DLG2: variants seen among roughly 807,000 people sequenced by gnomAD.
DLG2 encodes discs large MAGUK scaffold protein 2, also known as disks large homolog 2.
A neutral mutation model predicts 132.5 loss-of-function variants in DLG2; 45 were observed. The ratio of observed to expected loss-of-function variants is 0.34; its 90% confidence interval spans 0.27 to 0.44. The LOEUF (loss-of-function observed/expected upper bound fraction) is 0.44, where lower values mean the gene tolerates loss of function less well. Among genes scored for constraint, DLG2 ranks in the 20% least tolerant of loss-of-function variants. The probability of loss-of-function intolerance (pLI) is 1.00; values close to 1 mark genes in which losing one functional copy is unlikely to be tolerated. For missense variants in DLG2, 1,045 were observed against 1,196.9 expected (o/e 0.87, Z 1.87); for synonymous variants, 424 against 419.6 (o/e 1.01, Z -0.13).
intron 6 of DLG2, among the ~76,000 whole-genome samples, chr11:85,096,318 C>T (rs184655525): frequency 1.3e-5 from 2 of 152,310 alleles, no homozygotes; most frequent in African/African-American, 4.8e-5. Context: ...GTCCACACTA[C>T]CTTTATGAGC....
intron 7 of DLG2, among the ~76,000 whole-genome samples, chr11:84,406,575 A>C (rs2154450105): frequency 6.6e-6 from 1 of 152,300 alleles, no homozygotes; most frequent in South Asian, 2.1e-4. Flanking sequence ...CTTGGGCTAA[A>C]GGAATCCACT....
chr11:84,612,162 A>G (rs2099596619), intron 6 of DLG2, among the ~76,000 whole-genome samples: 1 of 152,078 alleles, frequency 6.6e-6, no homozygotes, highest in South Asian at 2.1e-4. Context: ...TTTCATATAG[A>G]GGGAAGTATA....
At position 83,457,849 on chromosome 11, in the gene DLG2, G is replaced by C. The variant is rs2089251425; in HGVS notation, c.*1969C>G. The stretch of plus-strand genomic sequence containing the variant: ...CTGGAAATTTAACTTTCATGAGAGG[G>C]AGAATGCATTGCTAGCCCTTCCATT... On this transcript the variant is annotated 3_prime_UTR_variant, in exon 28 of 28. Coordinates refer to ENST00000376104, the MANE Select transcript of DLG2 (RefSeq NM_001142699.3). The C allele has an allele frequency of 6.6e-6, 1 of 152,618 alleles. No individual in the cohort carries two copies. The highest frequency in any genetic ancestry group is 6.5e-5 in the Admixed American group (1 of 15,286). The allele number at this position is 152,618 out of a possible 1,614,324, so 9.5% of individuals were successfully genotyped here.
At chr11:85,393,293 G>C (rs986478752) in intron 3 of DLG2, among the ~76,000 whole-genome samples, 1 of 152,136 alleles carries the variant, frequency 6.6e-6, no homozygotes, top group African/African-American at 2.4e-5. Flanking sequence ...ACTCCTTCAA[G>C]AATGGTCATA....
intron 6 of DLG2, among the ~76,000 whole-genome samples, chr11:84,559,593 T>A (rs2099419173): frequency 6.6e-6 from 1 of 152,118 alleles, no homozygotes; most frequent in Admixed American, 6.6e-5. Flanking sequence ...AAGCTCTCCA[T>A]CCAGAGCTAC....
At chr11:84,401,828 G>A (rs1014049782) in intron 7 of DLG2, among the ~76,000 whole-genome samples, 1 of 152,066 alleles carries the variant, frequency 6.6e-6, no homozygotes, top group African/African-American at 2.4e-5. Flanking sequence ...GACTACAGGC[G>A]CCTGCCACCA....
At chr11:83,516,683 T>C (rs776258968) in intron 21 of DLG2, among the ~76,000 whole-genome samples, 21 of 152,206 alleles carry the variant, frequency 1.4e-4, no homozygotes, top group Non-Finnish European at 2.5e-4. Flanking sequence ...TTTCCATGTT[T>C]AGTGCTTCCT....
chr11:84,177,428 A>G (rs535748020), intron 8 of DLG2, among the ~76,000 whole-genome samples: 1 of 152,272 alleles, frequency 6.6e-6, no homozygotes, highest in Admixed American at 6.5e-5. Context: ...CTCTGATTAT[A>G]TTATCAGGCT....
chr11:84,490,715 T>C (rs2099162733), intron 7 of DLG2, among the ~76,000 whole-genome samples: 1 of 145,658 alleles, frequency 6.9e-6, no homozygotes, highest in Admixed American at 6.9e-5. Flanking sequence ...GTAAAAGCAA[T>C]GAGAATTGCC....
chr11:84,042,396 T>C (rs991992011), intron 11 of DLG2, among the ~76,000 whole-genome samples: 1 of 151,838 alleles, frequency 6.6e-6, no homozygotes, highest in African/African-American at 2.4e-5. Flanking sequence ...TTCCTTGCTA[T>C]TATTGCTCAT....
chr11:83,544,686 G>A (rs1410119526), intron 19 of DLG2, among the ~76,000 whole-genome samples: 1 of 152,062 alleles, frequency 6.6e-6, no homozygotes, highest in Non-Finnish European at 1.5e-5. Flanking sequence ...GCACTTCATA[G>A]TCATCGTCTT....
At chr11:84,352,740 G>A (rs954291735) in intron 7 of DLG2, among the ~76,000 whole-genome samples, 4 of 152,128 alleles carry the variant, frequency 2.6e-5, no homozygotes, top group Non-Finnish European at 4.4e-5. Context: ...TCTGGGAAGG[G>A]GTAATATGCC....
At chr11:85,362,745 A>G (rs2084259227) in intron 3 of DLG2, among the ~76,000 whole-genome samples, 1 of 152,146 alleles carries the variant, frequency 6.6e-6, no homozygotes, top group African/African-American at 2.4e-5. Context: ...TTGACCTCTC[A>G]GGGATGATAT....
In DLG2 at chr11:83,524,426, C is replaced by CT. The variant is rs975893086; in HGVS notation, c.2193+8281dup. On this transcript the variant is annotated intron_variant, in intron 21 of 27. Transcript: ENST00000376104. ...TCTGATGTAGATGCTGCAGGATACA[C>CT]TTTTTTTTTTTCCTGCTGAAAATTT... Among the ~76,000 whole-genome samples, 712 of 148,154 alleles carry CT rather than the reference C, an allele frequency of 4.8e-3. 5 individuals are homozygous for CT. The highest frequency in any genetic ancestry group is 6.2e-3 in the African/African-American group (253 of 40,674).
chr11:84,399,917 A>G (rs1352889263), intron 7 of DLG2, among the ~76,000 whole-genome samples: 2 of 152,214 alleles, frequency 1.3e-5, no homozygotes, highest in Admixed American at 6.5e-5. Flanking sequence ...TACTGATGCT[A>G]CCTAACCTGT....
intron 14 of DLG2, among the ~76,000 whole-genome samples, chr11:83,948,592 T>C (rs2084653312): frequency 7.3e-6 from 1 of 137,140 alleles, no homozygotes; most frequent in Non-Finnish European, 1.5e-5. Context: ...TTAAAGTTAA[T>C]AATGCTACCT....
intron 6 of DLG2, chr11:85,021,028 G>A (rs2060019304): frequency 1.3e-6 from 1 of 772,874 alleles, no homozygotes; most frequent in East Asian, 2.4e-5. Context: ...TGTTTGTTCT[G>A]TTCCTTTTCA....
At chr11:83,628,334 G>A (rs573268914) in intron 19 of DLG2, among the ~76,000 whole-genome samples, 9 of 152,166 alleles carry the variant, frequency 5.9e-5, no homozygotes, top group East Asian at 1.9e-4. Context: ...AAACTGATTC[G>A]TCCATGGTCA....
chr11:84,866,126 C>T (rs1218158497), intron 6 of DLG2, among the ~76,000 whole-genome samples: 4 of 152,198 alleles, frequency 2.6e-5, no homozygotes, highest in East Asian at 3.8e-4. Context: ...CCAGGGTAAT[C>T]TCAAATTTCA....
Sources: allele counts gnomAD v4.1 joint callset (sites outside exome capture counted in the v4.1 genomes callset), GRCh38; gene constraint gnomAD v4.1.1; transcripts MANE v1.5; gene names NCBI Gene and HGNC (gene_info 2026-07-23, HGNC 2026-07-21).